TSGA13: variants seen among roughly 807,000 people sequenced by gnomAD.
TSGA13 encodes the protein testis-specific gene 13 protein.
Under a neutral mutation model 35.1 loss-of-function variants are expected in TSGA13, and 37 were observed. The ratio of observed to expected loss-of-function variants is 1.05; its 90% confidence interval spans 0.81 to 1.39. TSGA13 has a LOEUF of 1.39. TSGA13 is among the 40% of genes most tolerant of loss of function. TSGA13 has a pLI of 0.00. For missense variants in TSGA13, 338 were observed against 328.5 expected (o/e 1.03, Z -0.22); for synonymous variants, 124 against 121.2 (o/e 1.02, Z -0.15).
intron 5 of TSGA13, among the ~76,000 whole-genome samples, chr7:130,678,205 C>T (rs950068413): frequency 2.0e-5 from 3 of 152,094 alleles, no homozygotes; most frequent in East Asian, 1.9e-4. Flanking sequence ...GGTGAAACCC[C>T]GTCTCTACTA....
intron 3 of TSGA13, among the ~76,000 whole-genome samples, 186 bp from the exon 4 acceptor site, chr7:130,681,203 G>A (rs759973139): frequency 1.5e-4 from 23 of 152,146 alleles, no homozygotes; most frequent in Non-Finnish European, 3.1e-4. Flanking sequence ...CCCCAGCAAG[G>A]AGACCTGGAT....
intron 2 of TSGA13, among the ~76,000 whole-genome samples, chr7:130,683,982 T>C (rs1431828080): frequency 6.6e-6 from 1 of 152,228 alleles, no homozygotes; most frequent in Non-Finnish European, 1.5e-5. Context: ...TAACGACTGC[T>C]TAAGGAAATT....
Position 130,668,695 on chromosome 7 carries a change from C to G in TSGA13, c.*319G>C. On this transcript the variant is annotated 3_prime_UTR_variant, in exon 8 of 8. Transcript: ENST00000356588. ...TTGGACGACTTCCCAGCGCCCAGAC[C>G]CACCGCAACCGTCCCAGGCGCCGCA... 6 of 1,521,846 alleles carry G rather than the reference C, an allele frequency of 3.9e-6. No homozygotes were observed. The highest frequency in any genetic ancestry group is 4.2e-5 in the Admixed American group (2 of 48,066). The allele number at this position is 1,521,846 out of a possible 1,614,324, so 94.3% of individuals were successfully genotyped here. A position where few individuals can be genotyped will look rare whatever the true frequency, so the allele number is the denominator to read the frequency against.
At position 130,668,784 on chromosome 7, in the gene TSGA13, C is replaced by T; in HGVS notation, c.*230G>A. ...CGCTCTCACGCCGGTTGGGCCGCCG[C>T]GCCTTCACTCGGGGCCAAGGCCCGC... On this transcript the variant is annotated 3_prime_UTR_variant, in exon 8 of 8. Coordinates refer to ENST00000356588, the MANE Select transcript of TSGA13 (RefSeq NM_052933.4). The T allele has an allele frequency of 1.5e-6, 2 of 1,338,416 alleles. No homozygotes were observed. The highest frequency in any genetic ancestry group is 1.5e-5 in the African/African-American group (1 of 65,640). The allele number at this position is 1,338,416 out of a possible 1,614,324, so 82.9% of individuals were successfully genotyped here.
At chr7:130,679,050 G>A (rs1796475741) in intron 5 of TSGA13, 105 bp downstream of exon 5, 1 of 954,874 alleles carries the variant, frequency 1.0e-6, no homozygotes, top group East Asian at 2.4e-5. Context: ...AAAAAATTAA[G>A]AGGTTTTCTG....
intron 5 of TSGA13, among the ~76,000 whole-genome samples, chr7:130,678,102 G>C (rs1796453928): frequency 6.6e-6 from 1 of 152,058 alleles, no homozygotes; most frequent in African/African-American, 2.4e-5. Context: ...GTGTAGGCCG[G>C]GCGCGATGGC....
At chr7:130,672,229 A>G (rs1000636205) in intron 6 of TSGA13, among the ~76,000 whole-genome samples, 1 of 152,174 alleles carries the variant, frequency 6.6e-6, no homozygotes, top group Non-Finnish European at 1.5e-5. Flanking sequence ...CTCAGAGAAG[A>G]CAAGACAATG....
At chr7:130,678,239 C>T (rs185308401) in intron 5 of TSGA13, among the ~76,000 whole-genome samples, 269 of 152,216 alleles carry the variant, frequency 1.8e-3, no homozygotes, top group Non-Finnish European at 3.3e-3. Flanking sequence ...ATTAGCTGGG[C>T]GTGGTGGTGG....
chr7:130,674,161 C>CTTT (rs1240762235), intron 5 of TSGA13, among the ~76,000 whole-genome samples: 2 of 114,710 alleles, frequency 1.7e-5, no homozygotes, highest in South Asian at 6.1e-4. Context: ...TCTTTTTTTT[C>CTTT]TTTTTTTCTT....
At chr7:130,682,150 C>T (rs771881283) in intron 3 of TSGA13, among the ~76,000 whole-genome samples, 14 of 151,684 alleles carry the variant, frequency 9.2e-5, no homozygotes, top group Non-Finnish European at 1.3e-4. Context: ...TACTGAGTCT[C>T]GCTCTGTTGC....
At chr7:130,672,634 G>A (rs566667222) in intron 6 of TSGA13, 100 bp downstream of exon 6, 10 of 1,487,116 alleles carry the variant, frequency 6.7e-6, no homozygotes, top group East Asian at 4.6e-5. Context: ...ATCTTTGTAC[G>A]ACCAAAGAAT....
intron 7 of TSGA13, among the ~76,000 whole-genome samples, chr7:130,670,724 ATCC>A (rs1796246989): frequency 6.6e-6 from 1 of 152,160 alleles, no homozygotes; most frequent in East Asian, 1.9e-4. Flanking sequence ...GGTTCAAGCA[ATCC>A]TCCTTCCTCA....
At chr7:130,669,258 AAGG>A in intron 7 of TSGA13, 75 bp from the exon 8 acceptor site, 1 of 1,590,404 alleles carries the variant, frequency 6.3e-7, no homozygotes, top group African/African-American at 1.3e-5. Context: ...GTGAGATGTA[AAGG>A]AGACGCACTT....
upstream of TSGA13, chr7:130,686,549 G>A (rs766176547): frequency 6.6e-6 from 1 of 152,080 alleles, no homozygotes; most frequent in African/African-American, 2.4e-5. Context: ...GGATTCTGGA[G>A]GAGACAGAGG....
intron 7 of TSGA13, among the ~76,000 whole-genome samples, chr7:130,669,393 G>C (rs782065991): frequency 6.6e-6 from 1 of 152,188 alleles, no homozygotes; most frequent in Non-Finnish European, 1.5e-5. Flanking sequence ...TTCATTGCCA[G>C]TTTAGAGTCT....
Position 130,679,067 on chromosome 7 carries a change from A to C in TSGA13, c.387+88T>G, listed in dbSNP as rs1024774797. 3.9e-5 allele frequency: 43 copies of C among 1,096,140 alleles called. No homozygotes were observed. The African/African-American group carries it at 6.4e-4, about 16-fold the overall frequency. 67.9% of individuals were successfully genotyped at this position (1,096,140 alleles called of 1,614,324 possible). A position where few individuals can be genotyped will look rare whatever the true frequency, so the allele number is the denominator to read the frequency against. On this transcript the variant is annotated intron_variant, in intron 5 of 7. Coordinates refer to ENST00000356588, the MANE Select transcript of TSGA13 (RefSeq NM_052933.4). ...AAAATTAAGAGGTTTTCTGAGTACT[A>C]TTCTCCATGTTAAGTTAACTTCCTT...
intron 6 of TSGA13, 123 bp downstream of exon 6, chr7:130,672,611 G>T: frequency 7.5e-7 from 1 of 1,325,144 alleles, no homozygotes; most frequent in Non-Finnish European, 1.0e-6. Context: ...TGTAGGGAAA[G>T]TCGTGTCTTA....
At chr7:130,676,978 C>T (rs960296676) in intron 5 of TSGA13, among the ~76,000 whole-genome samples, 1 of 151,706 alleles carries the variant, frequency 6.6e-6, no homozygotes, top group East Asian at 1.9e-4. Context: ...CTGCGAGCTC[C>T]GCCTCCCACG....
intron 3 of TSGA13, 26 bp downstream of exon 3, chr7:130,683,568 A>T (rs782459660): frequency 6.2e-7 from 1 of 1,603,840 alleles, no homozygotes; most frequent in Non-Finnish European, 8.5e-7. Context: ...AAAATTAAAC[A>T]TTGAACACTT....
Sources: allele counts gnomAD v4.1 joint callset (sites outside exome capture counted in the v4.1 genomes callset), GRCh38; gene constraint gnomAD v4.1.1; transcripts MANE v1.5; gene names NCBI Gene and HGNC (gene_info 2026-07-23, HGNC 2026-07-21).